The following EMILIN2 variants were observed in gnomAD, a reference collection of about 807,000 sequenced individuals.
EMILIN2 encodes EMILIN-2.
A neutral mutation model predicts 87.1 loss-of-function variants in EMILIN2; 71 were observed. The observed-to-expected ratio is 0.82, with a 90% confidence interval of 0.67 to 0.99. The LOEUF is 0.99. EMILIN2 is among the 50% of genes least tolerant of loss of function. The pLI is 0.00. For synonymous variants in EMILIN2, 581 were observed against 563.4 expected, an observed-to-expected ratio of 1.03 and a Z score of -0.44; for missense variants, 1,407 against 1,371.8, an observed-to-expected ratio of 1.03 and a Z score of -0.40.
At chr18:2,873,534 C>T (rs1289204025) in intron 2 of EMILIN2, among the ~76,000 whole-genome samples, 2 of 151,892 alleles carry the variant, frequency 1.3e-5, no homozygotes, top group Admixed American at 6.5e-5. Context: ...GGTGAAACCC[C>T]ATCTCTACTA....
intron 4 of EMILIN2, among the ~76,000 whole-genome samples, chr18:2,905,900 G>C (rs956598495): frequency 4.0e-4 from 61 of 151,782 alleles, no homozygotes; most frequent in Non-Finnish European, 6.2e-4. Context: ...CTGGGATTAC[G>C]GGCGTGAGCC....
intron 2 of EMILIN2, among the ~76,000 whole-genome samples, chr18:2,874,219 CTTG>C (rs758057167): frequency 2.2e-4 from 33 of 151,466 alleles, no homozygotes; most frequent in Non-Finnish European, 4.0e-4. Flanking sequence ...TTGATTACTT[CTTG>C]TTGTTGTTTT....
chr18:2,864,561 T>C (rs1291047851), intron 2 of EMILIN2, among the ~76,000 whole-genome samples: 1 of 152,226 alleles, frequency 6.6e-6, no homozygotes, highest in Non-Finnish European at 1.5e-5. Flanking sequence ...CACTCTCTTC[T>C]TGTAGAGTTT....
In EMILIN2 at chr18:2,858,557, A is replaced by G. The variant is rs1231062896; in HGVS notation, c.257+10626A>G. Reference sequence around the variant, plus strand: ...TATATATATATATATATATATATATATATATATATATATGTGTGTGTGTGT... The same window carrying G: ...TATATATATATATATATATATATATGTATATATATATATGTGTGTGTGTGT... On this transcript the variant is annotated intron_variant, in intron 2 of 7. Transcript: ENST00000254528. 5.3e-3 allele frequency among the ~76,000 whole-genome samples: 288 copies of G among 54,480 alleles called. 11 individuals carry two copies. The highest frequency in any genetic ancestry group is 0.035 in the African/African-American group (253 of 7,174). The allele number at this position is 54,480 out of a possible 152,430, so 35.7% of individuals were successfully genotyped here. A position where few individuals can be genotyped will look rare whatever the true frequency, so the allele number is the denominator to read the frequency against.
chr18:2,906,538 G>A (rs1404680708), intron 4 of EMILIN2: 7 of 354,192 alleles, frequency 2.0e-5, no homozygotes, highest in Admixed American at 1.9e-4. Context: ...GCAGCCGTCT[G>A]CGCCGGAGAG....
At chr18:2,867,884 T>C (rs1003630993) in intron 2 of EMILIN2, among the ~76,000 whole-genome samples, 5 of 150,046 alleles carry the variant, frequency 3.3e-5, no homozygotes, top group Non-Finnish European at 7.4e-5. Flanking sequence ...CCAGAGTGGG[T>C]GGTGGCCGGG....
chr18:2,869,280 TAAAA>T (rs10532190), intron 2 of EMILIN2, among the ~76,000 whole-genome samples: 1 of 149,184 alleles, frequency 6.7e-6, no homozygotes, highest in Admixed American at 6.7e-5. Context: ...ATTACATAGT[TAAAA>T]AAAAAAAAGC....
At chr18:2,851,513 G>A (rs1394951187) in intron 2 of EMILIN2, among the ~76,000 whole-genome samples, 1 of 152,134 alleles carries the variant, frequency 6.6e-6, no homozygotes, top group Non-Finnish European at 1.5e-5. Context: ...GAGACTGAGG[G>A]TGAAACCGCT....
intron 5 of EMILIN2, 46 bp from the exon 6 acceptor site, chr18:2,908,897 G>C (rs1247268321): frequency 2.5e-6 from 4 of 1,612,794 alleles, no homozygotes; most frequent in Admixed American, 1.7e-5. Context: ...CAAGGAGCTG[G>C]TGCTTAGGGT....
At chr18:2,865,877 C>T (rs962987309) in intron 2 of EMILIN2, among the ~76,000 whole-genome samples, 3 of 152,226 alleles carry the variant, frequency 2.0e-5, no homozygotes, top group Non-Finnish European at 2.9e-5. Flanking sequence ...GCTTCCCAGA[C>T]GCTTTGTTTA....
At chr18:2,853,436 A>G (rs1174623422) in intron 2 of EMILIN2, among the ~76,000 whole-genome samples, 1 of 152,032 alleles carries the variant, frequency 6.6e-6, no homozygotes, top group Non-Finnish European at 1.5e-5. Flanking sequence ...GGTTTTAGGG[A>G]CAGATATGTG....
intron 2 of EMILIN2, among the ~76,000 whole-genome samples, chr18:2,864,399 C>G (rs147015532): frequency 0.042 from 6,322 of 152,198 alleles, 437 homozygotes; most frequent in African/African-American, 0.14. Context: ...TGCAGGAGCT[C>G]TTTTAGGGCA....
intron 4 of EMILIN2, among the ~76,000 whole-genome samples, chr18:2,895,816 G>C (rs1040624626): frequency 6.6e-6 from 1 of 152,266 alleles, no homozygotes; most frequent in Non-Finnish European, 1.5e-5. Context: ...TGCTCTTGAA[G>C]GGTGACGTGG....
At chr18:2,860,872 T>C (rs2076657511) in intron 2 of EMILIN2, among the ~76,000 whole-genome samples, 1 of 152,204 alleles carries the variant, frequency 6.6e-6, no homozygotes, top group Non-Finnish European at 1.5e-5. Flanking sequence ...AAAGTGTTCC[T>C]ATTTCTCCAC....
intron 3 of EMILIN2, among the ~76,000 whole-genome samples, chr18:2,889,340 G>T (rs979493006): frequency 1.3e-5 from 2 of 151,864 alleles, no homozygotes; most frequent in African/African-American, 4.8e-5. Flanking sequence ...GTTACGCCAT[G>T]TTGGCCAGGC....
intron 3 of EMILIN2, 143 bp downstream of exon 3, chr18:2,885,282 A>G: frequency 1.1e-6 from 1 of 898,210 alleles, no homozygotes; most frequent in East Asian, 3.0e-5. Flanking sequence ...GCCACATGTG[A>G]CAAATTTATT....
rs1367573763 is a variant in EMILIN2 at position 2,880,941 on chromosome 18, T to A, written c.258-4023T>A. Among the ~76,000 whole-genome samples the A allele has an allele frequency of 6.6e-6, 1 of 152,228 alleles. No individual in the cohort carries two copies. The highest frequency in any genetic ancestry group is 1.9e-4 in the East Asian group (1 of 5,198). On this transcript the variant is annotated intron_variant, in intron 2 of 7. Coordinates refer to ENST00000254528, the MANE Select transcript of EMILIN2 (RefSeq NM_032048.3). This position sits in a 1 kb window ranked among gnomAD's most constrained non-coding sequence, Gnocchi z 4.1. The stretch of plus-strand genomic sequence containing the variant: ...AAGGTATAATTTTGCTGAAAATTCC[T>A]TGGCATTTTCTAAAGCTCACTAGCT...
chr18:2,888,089 A>T (rs1480983372), intron 3 of EMILIN2, among the ~76,000 whole-genome samples: 1 of 152,214 alleles, frequency 6.6e-6, no homozygotes, highest in Non-Finnish European at 1.5e-5. Context: ...ACTGTTGGTC[A>T]CTTAGGTTGT....
chr18:2,900,230 C>T (rs2076882574), intron 4 of EMILIN2, among the ~76,000 whole-genome samples: 1 of 152,108 alleles, frequency 6.6e-6, no homozygotes, highest in African/African-American at 2.4e-5. Flanking sequence ...CTCTGTTGCC[C>T]AGGCTGGAGT....
Sources: gnomAD v4.1 joint callset for allele counts (sites outside exome capture counted in the v4.1 genomes callset) on GRCh38, gnomAD v4.1.1 for gene constraint, Gnocchi (gnomAD v3.1) non-coding constraint, MANE v1.5 for transcripts, NCBI Gene and HGNC (gene_info 2026-07-23, HGNC 2026-07-21) for gene names.